The following A2M variants were observed in gnomAD, a reference collection of about 807,000 sequenced individuals.
A2M encodes alpha-2-macroglobulin, also known as C3 and PZP-like alpha-2-macroglobulin domain-containing protein 5.
In A2M, 128 loss-of-function variants were observed where a neutral mutation model predicts 183.9. The observed-to-expected ratio is 0.70, with a 90% CI of 0.60 to 0.81. The LOEUF (loss-of-function observed/expected upper bound fraction) is 0.81. A2M is among the 30% of genes least tolerant of loss of function. The pLI is 0.00. For synonymous variants in A2M, 592 were observed against 670.8 expected (o/e 0.88, Z 1.81); for missense variants, 1,495 against 1,787.6 (o/e 0.84, Z 2.95).
At chr12:9,075,573 ATAGTGTTGAACT>A (rs145716220) in intron 28 of A2M, among the ~76,000 whole-genome samples, 3,677 of 152,336 alleles carry the variant, frequency 0.024, 138 homozygotes, top group African/African-American at 0.083. Flanking sequence ...CTTCATCAAC[ATAGTGTTGAACT>A]TAGAAAATAA....
chr12:9,095,691 G>T lies in A2M; in HGVS notation c.1861C>A (p.Leu621Met). 1 of 1,595,876 alleles carries T rather than the reference G, an allele frequency of 6.3e-7. No individual in the cohort carries two copies. Among genetic ancestry groups the T allele is most frequent in the Non-Finnish European group, 8.6e-7 (1 of 1,169,052 alleles). ...CCAGTGAGGTCCTTTTCTGGTAGCA[G>T]GTTGTAAACCTGTACAAATACGAAA... is the stretch of plus-strand genomic sequence containing the variant. ...AELSASSVYN[L>M]LPEKDLTGFP... Residue 621 changes from leucine to methionine, a missense_variant, in exon 16 of 36, where the codon CTG (leucine) becomes ATG (methionine). Leu to Met is a conservative substitution (Grantham distance 15). Transcript: ENST00000318602.
At position 9,093,500 on chromosome 12, in the gene A2M, G is replaced by T; in HGVS notation, c.2205C>A (p.Phe735Leu). 1 of 1,613,904 alleles carries T rather than the reference G, an allele frequency of 6.2e-7. No individual in the cohort carries two copies. The highest frequency in any genetic ancestry group is 8.5e-7 in the Non-Finnish European group (1 of 1,179,846). The change falls in exon 18 of 36, where the codon TTC (phenylalanine) becomes TTA (leucine). Residue 735 changes from phenylalanine to leucine, a missense_variant. By Grantham distance (22) the Phe-to-Leu change is conservative. Transcript: ENST00000318602. Reference sequence around the variant, plus strand: ...CCAAATCCCAGATCCATGTCTCAGGGAAGTACTTTCGTACGGTCTCCGTGT... The same window carrying T: ...CCAAATCCCAGATCCATGTCTCAGGTAAGTACTTTCGTACGGTCTCCGTGT... Reference protein sequence around the residue: ...EPHTETVRKYFPETWIWDLVV... With the variant: ...EPHTETVRKYLPETWIWDLVV...
At position 9,072,561 on chromosome 12, in the gene A2M, T is replaced by C. The variant is rs769932251; in HGVS notation, c.3976-75A>G. ...CTGTCCACGTCCCTAACCCTTTCTC[T>C]GATCTGTCCCATTGTTTTCTGAGTT... On this transcript the variant is annotated intron_variant, in intron 30 of 35. Transcript: ENST00000318602. 47 of 1,598,136 alleles carry C rather than the reference T, an allele frequency of 2.9e-5. No individual in the cohort carries two copies. In the African/African-American group the frequency reaches 6.0e-4, roughly 21 times the overall value.
rs1359672414 is a variant in A2M, at chr12:9,077,426, A to C, written c.3277-6T>G. On this transcript the variant is annotated splice_polypyrimidine_tract_variant and splice_region_variant and intron_variant, in intron 26 of 35. Transcript: ENST00000318602. Reference sequence around the variant, plus strand: ...ACTTCATCTTCTACTCCTCCCTGTGAATACGAGAGAGAGATCTGAATAATT... The same window carrying C: ...ACTTCATCTTCTACTCCTCCCTGTGCATACGAGAGAGAGATCTGAATAATT... The C allele has an allele frequency of 1.9e-6, 3 of 1,610,726 alleles. No homozygotes were observed. The highest frequency in any genetic ancestry group is 2.5e-6 in the Non-Finnish European group (3 of 1,177,770).
At chr12:9,079,920 GA>G (rs1463893928) in intron 23 of A2M, 105 bp from the exon 24 acceptor site, 1 of 1,184,586 alleles carries the variant, frequency 8.4e-7, no homozygotes, top group Non-Finnish European at 1.1e-6. Context: ...GAATTTTTAG[GA>G]AGGATGATTC....
chr12:9,070,583 G>A lies in A2M; in HGVS notation c.4104-5C>T, dbSNP rs1258895361. 1 of 1,603,364 alleles carries A rather than the reference G, an allele frequency of 6.2e-7. No homozygotes were observed. Among genetic ancestry groups the A allele is most frequent in the Non-Finnish European group, 8.5e-7 (1 of 1,171,698 alleles). ...GCAGAGCGGCTCCCTGTGTAACTGA[G>A]GATCCAGGGGAGGAAAGGATTAGGG... On this transcript the variant is annotated splice_polypyrimidine_tract_variant and splice_region_variant and intron_variant, in intron 31 of 35. Coordinates refer to ENST00000318602, the MANE Select transcript of A2M (RefSeq NM_000014.6).
intron 13 of A2M, 52 bp downstream of exon 13, chr12:9,101,092 G>C: frequency 6.6e-7 from 1 of 1,507,648 alleles, no homozygotes; most frequent in Non-Finnish European, 9.0e-7. Context: ...CGTGGTGTAA[G>C]GCTGAATGGG....
At chr12:9,080,644 A>G (rs779615840) in intron 22 of A2M, among the ~76,000 whole-genome samples, 5 of 152,234 alleles carry the variant, frequency 3.3e-5, no homozygotes, top group Non-Finnish European at 7.3e-5. Flanking sequence ...TCTTTCTTCA[A>G]ATTTCATATA....
chr12:9,091,490 G>A (rs1223331667), intron 18 of A2M, 61 bp from the exon 19 acceptor site: 1 of 1,525,328 alleles, frequency 6.6e-7, no homozygotes. Flanking sequence ...TTTCTAGGGA[G>A]AGAATCCCTA....
At chr12:9,114,469 A>G (rs927309455) in intron 1 of A2M, among the ~76,000 whole-genome samples, 1 of 152,210 alleles carries the variant, frequency 6.6e-6, no homozygotes, top group South Asian at 2.1e-4. Flanking sequence ...CATGAATAAT[A>G]AACACTGTAG....
intron 22 of A2M, among the ~76,000 whole-genome samples, chr12:9,082,259 C>G (rs771608430): frequency 6.6e-6 from 1 of 152,344 alleles, no homozygotes; most frequent in East Asian, 1.9e-4. Flanking sequence ...CCTAACCTCA[C>G]AGCCCGGATT....
intron 2 of A2M, among the ~76,000 whole-genome samples, chr12:9,112,950 C>T (rs960647773): frequency 7.2e-5 from 11 of 152,160 alleles, no homozygotes; most frequent in African/African-American, 2.7e-4. Context: ...AGAGATATTA[C>T]ACCTTTGCTC....
intron 31 of A2M, among the ~76,000 whole-genome samples, chr12:9,071,747 T>C (rs183772725): frequency 2.0e-5 from 3 of 152,188 alleles, no homozygotes; most frequent in African/African-American, 4.8e-5. Flanking sequence ...TCCATCTCCA[T>C]CCATGTTCCT....
rs1938788806 is a variant in A2M at position 9,112,242 on chromosome 12, A to C, written c.431-31T>G. Reference sequence around the variant, plus strand: ...ACAGAAATATTTTTCATGAGCCCCCAAACCCAAAGTAGGCCTGTAGGCTGG... The same window carrying C: ...ACAGAAATATTTTTCATGAGCCCCCCAACCCAAAGTAGGCCTGTAGGCTGG... On this transcript the variant is annotated intron_variant, in intron 3 of 35. Coordinates refer to ENST00000318602, the MANE Select transcript of A2M (RefSeq NM_000014.6). The C allele has an allele frequency of 1.1e-5, 17 of 1,613,716 alleles. No homozygotes were observed. The East Asian group carries it at 3.8e-4, about 36-fold the overall frequency.
chr12:9,085,727 T>A (rs1949034416), intron 22 of A2M, among the ~76,000 whole-genome samples: 1 of 151,788 alleles, frequency 6.6e-6, no homozygotes, highest in African/African-American at 2.4e-5. Context: ...ATTGTTTTTT[T>A]AAAAAGACAG....
At chr12:9,113,214 T>C in intron 2 of A2M, 146 bp downstream of exon 2, 1 of 748,642 alleles carries the variant, frequency 1.3e-6, no homozygotes, top group South Asian at 2.5e-5. Context: ...CATGCATTGC[T>C]CCTTAATTTC....
chr12:9,113,242 A>G (rs747141216), intron 2 of A2M, 118 bp downstream of exon 2: 63 of 1,031,106 alleles, frequency 6.1e-5, no homozygotes, highest in South Asian at 3.6e-4. Flanking sequence ...AGTTTGCTAC[A>G]TTTGGATTCC....
At chr12:9,069,994 A>G (rs1159019040) in intron 32 of A2M, among the ~76,000 whole-genome samples, 181 bp from the exon 33 acceptor site, 6 of 152,272 alleles carry the variant, frequency 3.9e-5, no homozygotes, top group Non-Finnish European at 5.9e-5. Context: ...TACTATTAGT[A>G]TAACACACGA....
chr12:9,068,058 T>A (rs150038014), intron 35 of A2M, 125 bp downstream of exon 35: 2 of 1,173,790 alleles, frequency 1.7e-6, no homozygotes, highest in African/African-American at 3.1e-5. Flanking sequence ...TTTTCTATAA[T>A]AATGTGCAGT....
Sources: gnomAD v4.1 joint callset for allele counts (sites outside exome capture counted in the v4.1 genomes callset) on GRCh38, gnomAD v4.1.1 for gene constraint, MANE v1.5 for transcripts, NCBI Gene and HGNC (gene_info 2026-07-23, HGNC 2026-07-21) for gene names.